The following KRT72 variants were observed in gnomAD, a reference collection of about 807,000 sequenced individuals.
KRT72 encodes the protein keratin, type II cytoskeletal 72.
In KRT72, 44 loss-of-function variants were observed where a neutral mutation model predicts 44.7. That is an observed-to-expected ratio of 0.98 (90% CI 0.77 to 1.27). KRT72 has a LOEUF of 1.27. Ranked by LOEUF, KRT72 falls within the 50% of genes most tolerant of loss-of-function variation. The probability of loss-of-function intolerance (pLI) is 0.00; values close to 1 mark genes in which losing one functional copy is unlikely to be tolerated. For synonymous variants in KRT72, 302 were observed against 280.4 expected (o/e 1.08, Z -0.77); for missense variants, 736 against 667.1 (o/e 1.10, Z -1.14).
In KRT72 at chr12:52,592,971, T is replaced by C. The variant is rs775523332; in HGVS notation, c.642-19A>G. ...CTCATACCTGCATGGGGCAAGACAA[T>C]GAGGTAATTCAGTTCTGCAAACACT... On this transcript the variant is annotated intron_variant, in intron 2 of 8. Coordinates refer to ENST00000293745, the MANE Select transcript of KRT72 (RefSeq NM_080747.3). 1 of 1,609,590 alleles carries C rather than the reference T, an allele frequency of 6.2e-7. No homozygotes were observed. The highest frequency in any genetic ancestry group is 1.1e-5 in the South Asian group (1 of 90,328).
Position 52,601,007 on chromosome 12 carries a change from G to C in KRT72, c.426+20C>G, listed in dbSNP as rs1565623604. 2.5e-6 allele frequency: 4 copies of C among 1,609,462 alleles called. No individual in the cohort carries two copies. Among genetic ancestry groups the C allele is most frequent in the Non-Finnish European group, 3.4e-6 (4 of 1,178,568 alleles). The stretch of plus-strand genomic sequence containing the variant: ...GCACATGCGCCCAACGCAGGGACAG[G>C]CCAATGCCCGAGGACTCACCTTGTC... On this transcript the variant is annotated intron_variant, in intron 1 of 8. Coordinates refer to ENST00000293745, the MANE Select transcript of KRT72 (RefSeq NM_080747.3).
intron 2 of KRT72, among the ~76,000 whole-genome samples, chr12:52,595,744 G>T (rs2361325): frequency 0.035 from 5,330 of 152,236 alleles, 303 homozygotes; most frequent in Admixed American, 0.15. Context: ...TATGTTTCCA[G>T]TTCTTTCTGA....
intron 5 of KRT72, 120 bp from the exon 6 acceptor site, chr12:52,591,081 A>C: frequency 3.0e-6 from 3 of 992,506 alleles, no homozygotes; most frequent in Non-Finnish European, 4.2e-6. Flanking sequence ...GTTCTCAAAC[A>C]TGAGAGCCTT....
chr12:52,596,947 G>A (rs188226156), intron 2 of KRT72, among the ~76,000 whole-genome samples: 1 of 152,308 alleles, frequency 6.6e-6, no homozygotes, highest in Admixed American at 6.5e-5. Flanking sequence ...GGGAAAGTGG[G>A]ATGAAAATTG....
rs1939714107 is a variant in KRT72 at position 52,585,801 on chromosome 12, C to G, written c.*181G>C. The G allele has an allele frequency of 3.2e-6, 2 of 619,086 alleles. No homozygotes were observed. Among genetic ancestry groups the G allele is most frequent in the Non-Finnish European group, 5.7e-6 (2 of 350,616 alleles). The allele number at this position is 619,086 out of a possible 1,614,324, so 38.3% of individuals were successfully genotyped here. ...ACCAAGAAGGAGGCCACTGAGAGAG[C>G]TCCTGACTGGACTCCTTGCATCGAA... On this transcript the variant is annotated 3_prime_UTR_variant, in exon 9 of 9. Transcript: ENST00000293745.
chr12:52,587,948 T>C, intron 6 of KRT72, 97 bp from the exon 7 acceptor site: 1 of 1,200,388 alleles, frequency 8.3e-7, no homozygotes, highest in South Asian at 1.5e-5. Flanking sequence ...TGATGGCAAC[T>C]GCTTGGAGAT....
intron 8 of KRT72, among the ~76,000 whole-genome samples, chr12:52,586,706 G>A (rs201198912): frequency 4.6e-5 from 7 of 152,138 alleles, no homozygotes; most frequent in African/African-American, 9.7e-5. Flanking sequence ...AGCATCAATC[G>A]TTGGATGATA....
At chr12:52,588,923 C>G (rs889902081) in intron 6 of KRT72, among the ~76,000 whole-genome samples, 2 of 151,792 alleles carry the variant, frequency 1.3e-5, no homozygotes, top group Non-Finnish European at 2.9e-5. Context: ...TCACTTGAAC[C>G]CAGGAGACAG....
At position 52,591,468 on chromosome 12, in the gene KRT72, G is replaced by C. The variant is rs762014322; in HGVS notation, c.959C>G (p.Thr320Ser). The change falls in exon 5 of 9, where the codon ACC becomes AGC. Residue 320 changes from threonine (T) to serine (S), a missense_variant. Thr to Ser is a moderately conservative substitution (Grantham distance 58). Coordinates refer to ENST00000293745, the MANE Select transcript of KRT72 (RefSeq NM_080747.3). ...GCACACCTGGCACCAGCTCACCTTG[G>C]TCTGGTACAGGGTCTCAGCCTCGGC... Reference protein sequence around the residue: ...SKAEAETLYQTKIQELQVTAG... With the variant: ...SKAEAETLYQSKIQELQVTAG... The C allele has an allele frequency of 6.2e-6, 10 of 1,613,154 alleles. No homozygotes were observed. Among genetic ancestry groups the C allele is most frequent in the Non-Finnish European group, 7.6e-6 (9 of 1,179,326 alleles).
At chr12:52,593,222 C>T (rs1309224594) in intron 2 of KRT72, among the ~76,000 whole-genome samples, 1 of 152,174 alleles carries the variant, frequency 6.6e-6, no homozygotes, top group Admixed American at 6.5e-5. Flanking sequence ...CTCTACTGTC[C>T]CTCTCCCTGT....
intron 6 of KRT72, among the ~76,000 whole-genome samples, chr12:52,589,728 G>C (rs1029849676): frequency 6.6e-6 from 1 of 152,098 alleles, no homozygotes; most frequent in African/African-American, 2.4e-5. Flanking sequence ...TGGGGACTCA[G>C]CATTGCGAGG....
intron 6 of KRT72, among the ~76,000 whole-genome samples, chr12:52,589,501 G>T (rs1939913219): frequency 6.6e-6 from 1 of 152,218 alleles, no homozygotes; most frequent in African/African-American, 2.4e-5. Context: ...CCCACACAGT[G>T]AACCTGGGGC....
At chr12:52,600,095 C>T (rs1940365582) in intron 1 of KRT72, among the ~76,000 whole-genome samples, 1 of 152,120 alleles carries the variant, frequency 6.6e-6, no homozygotes. Context: ...AGACAACTTC[C>T]CTATTACCCC....
upstream of KRT72, among the ~76,000 whole-genome samples, chr12:52,602,041 T>C (rs1280249917): frequency 6.6e-6 from 1 of 152,178 alleles, no homozygotes; most frequent in Non-Finnish European, 1.5e-5. Flanking sequence ...TGCAGAGACC[T>C]CTCAGTCTGT....
intron 2 of KRT72, among the ~76,000 whole-genome samples, chr12:52,597,000 T>G (rs1166458125): frequency 6.6e-6 from 1 of 152,218 alleles, no homozygotes; most frequent in African/African-American, 2.4e-5. Context: ...TTATGATTTT[T>G]AAAGCAGAGC....
At chr12:52,589,995 G>T (rs1427784401) in intron 6 of KRT72, among the ~76,000 whole-genome samples, 1 of 152,146 alleles carries the variant, frequency 6.6e-6, no homozygotes, top group Admixed American at 6.5e-5. Flanking sequence ...GTGCGTGTGT[G>T]TGTGTCTGTG....
At chr12:52,586,418 T>C (rs989243077) in intron 8 of KRT72, among the ~76,000 whole-genome samples, 21 of 152,216 alleles carry the variant, frequency 1.4e-4, no homozygotes, top group African/African-American at 4.8e-4. Flanking sequence ...ATTTCCCCCA[T>C]GGGCAAGACC....
At position 52,591,392 on chromosome 12, in the gene KRT72, G is replaced by T. The variant is rs970457863; in HGVS notation, c.963+72C>A. 2.7e-6 allele frequency: 4 copies of T among 1,461,798 alleles called. No individual in the cohort carries two copies. The Admixed American group carries it at 5.2e-5, about 19-fold the overall frequency. 90.6% of individuals were successfully genotyped at this position (1,461,798 alleles called of 1,614,324 possible). On this transcript the variant is annotated intron_variant, in intron 5 of 8. Transcript: ENST00000293745. ...CACACACAAACACACGCACACACAC[G>T]TACACATGCACACATACTGAGAGGG...
chr12:52,589,059 C>T (rs1044692701), intron 6 of KRT72, among the ~76,000 whole-genome samples: 5 of 152,040 alleles, frequency 3.3e-5, no homozygotes, highest in African/African-American at 1.2e-4. Flanking sequence ...TGCATAACTG[C>T]AGCTGGGGCT....
Sources: allele counts gnomAD v4.1 joint callset (sites outside exome capture counted in the v4.1 genomes callset), GRCh38; gene constraint gnomAD v4.1.1; transcripts MANE v1.5; gene names NCBI Gene and HGNC (gene_info 2026-07-23, HGNC 2026-07-21).